Variants in SLC35F4 observed in about 807,000 individuals in gnomAD.
The protein encoded by SLC35F4 is chromosome 14 open reading frame 36.
SLC35F4 carries 24 observed loss-of-function variants against 44.2 expected under a neutral mutation model. That is an observed-to-expected ratio of 0.54 (90% CI 0.39 to 0.76). The LOEUF (loss-of-function observed/expected upper bound fraction) is 0.76, where lower values mean the gene tolerates loss of function less well. Ranked by LOEUF, SLC35F4 falls within the 30% of genes least tolerant of loss-of-function variation. SLC35F4 has a pLI of 0.00. For synonymous variants in SLC35F4, 238 were observed against 223.6 expected (o/e 1.06, Z -0.57); for missense variants, 562 against 586.1 (o/e 0.96, Z 0.42).
At chr14:57,678,566 C>A (rs1490691504) in intron 1 of SLC35F4, among the ~76,000 whole-genome samples, 1 of 151,948 alleles carries the variant, frequency 6.6e-6, no homozygotes, top group Non-Finnish European at 1.5e-5. Context: ...TTAAAAGACA[C>A]AGACCCACAA....
At chr14:57,609,759 A>T (rs780183347) in intron 1 of SLC35F4, among the ~76,000 whole-genome samples, 7 of 152,226 alleles carry the variant, frequency 4.6e-5, no homozygotes, top group Non-Finnish European at 8.8e-5. Flanking sequence ...TTTACTACAC[A>T]GGCTTTGGAA....
intron 4 of SLC35F4, among the ~76,000 whole-genome samples, chr14:57,580,276 A>T (rs1020590702): frequency 6.6e-6 from 1 of 152,214 alleles, no homozygotes; most frequent in Non-Finnish European, 1.5e-5. Flanking sequence ...CATAGACATT[A>T]GTTTCAGCAT....
chr14:57,736,521 C>A (rs971974289), intron 1 of SLC35F4, among the ~76,000 whole-genome samples: 1 of 152,178 alleles, frequency 6.6e-6, no homozygotes, highest in African/African-American at 2.4e-5. Flanking sequence ...AGTGCACCCC[C>A]ACGATGTTGC....
intron 1 of SLC35F4, among the ~76,000 whole-genome samples, chr14:57,644,435 C>T (rs1162541134): frequency 6.7e-6 from 1 of 149,560 alleles, no homozygotes; most frequent in African/African-American, 2.4e-5. Flanking sequence ...AGTGTCTGTT[C>T]ATATCCTTTG....
At chr14:57,912,949 G>A (rs973018694) in intron 1 of SLC35F4, among the ~76,000 whole-genome samples, 5 of 152,012 alleles carry the variant, frequency 3.3e-5, no homozygotes, top group Admixed American at 2.6e-4. Context: ...ATGCTCTGTT[G>A]TTAGACACAT....
Position 57,861,675 on chromosome 14 carries a change from G to A in SLC35F4, c.103+4048C>T, listed in dbSNP as rs538213553. Among the ~76,000 whole-genome samples the A allele has an allele frequency of 5.9e-5, 9 of 152,072 alleles. No individual in the cohort carries two copies. The South Asian group carries it at 1.5e-3, about 25-fold the overall frequency. ...TGACCTTTAATTGTCAAATTCAATC[G>A]GTCTTCTTTTTACTTGACCTTTCAA... On this transcript the variant is annotated intron_variant, in intron 1 of 7. Transcript: ENST00000556826.
intron 1 of SLC35F4, among the ~76,000 whole-genome samples, chr14:57,636,382 G>T (rs1594659455): frequency 2.0e-5 from 3 of 151,986 alleles, no homozygotes. Flanking sequence ...TGCTTGTGGG[G>T]TTTATAACAC....
intron 1 of SLC35F4, among the ~76,000 whole-genome samples, chr14:57,883,183 C>G (rs1054175849): frequency 7.2e-5 from 11 of 152,108 alleles, no homozygotes; most frequent in African/African-American, 2.7e-4. Flanking sequence ...AGGCCAACCC[C>G]CCATGTGACT....
intron 1 of SLC35F4, among the ~76,000 whole-genome samples, chr14:57,889,113 T>C (rs776613915): frequency 2.0e-5 from 3 of 152,194 alleles, no homozygotes; most frequent in Admixed American, 1.3e-4. Flanking sequence ...AAACTGAAGA[T>C]AGTTTAACCA....
At chr14:57,930,260 T>C (rs1348408975) in intron 1 of SLC35F4, among the ~76,000 whole-genome samples, 1 of 152,228 alleles carries the variant, frequency 6.6e-6, no homozygotes, top group Non-Finnish European at 1.5e-5. Context: ...ATCAGTTTCA[T>C]ACAGATTAAC....
intron 1 of SLC35F4, among the ~76,000 whole-genome samples, chr14:57,792,788 G>C (rs1341507279): frequency 2.0e-5 from 3 of 151,994 alleles, no homozygotes; most frequent in East Asian, 3.8e-4. Flanking sequence ...AAGGTGGGAG[G>C]GGGGTGAGGG....
intron 1 of SLC35F4, among the ~76,000 whole-genome samples, chr14:57,654,332 A>C (rs541853824): frequency 3.9e-5 from 6 of 152,282 alleles, no homozygotes; most frequent in African/African-American, 1.4e-4. Context: ...TATAAGTGAG[A>C]ATATGCAATA....
At chr14:57,770,951 T>G (rs2077349207) in intron 1 of SLC35F4, among the ~76,000 whole-genome samples, 1 of 152,204 alleles carries the variant, frequency 6.6e-6, no homozygotes, top group Admixed American at 6.5e-5. Context: ...TATGAAAAAC[T>G]GAGGCACTAG....
intron 6 of SLC35F4, among the ~76,000 whole-genome samples, chr14:57,567,618 C>T (rs1279126117): frequency 6.6e-6 from 1 of 152,188 alleles, no homozygotes; most frequent in Admixed American, 6.5e-5. Context: ...AGAGGGTCTT[C>T]CTAAACTAAT....
rs938089262 is a variant in SLC35F4 at position 57,837,473 on chromosome 14, T to C, written c.103+28250A>G. 9 of 152,330 alleles carry C rather than the reference T, an allele frequency of 5.9e-5. No homozygotes were observed. In the East Asian group the frequency reaches 1.7e-3, roughly 29 times the overall value. 9.4% of individuals were successfully genotyped at this position (152,330 alleles called of 1,614,324 possible). On this transcript the variant is annotated intron_variant, in intron 1 of 7. Coordinates refer to ENST00000556826, the MANE Select transcript of SLC35F4 (RefSeq NM_001306087.2). ...CAATAGGGGAGCATACAGACTCGCA[T>C]GCCTTTGACCAAGGGTAGACCTCCT...
chr14:57,860,704 CTTTCA>C lies in SLC35F4; in HGVS notation c.103+5014_103+5018del, dbSNP rs1887609104. 3.3e-5 allele frequency among the ~76,000 whole-genome samples: 5 copies of C among 152,290 alleles called. No individual in the cohort carries two copies. In the South Asian group the frequency reaches 1.0e-3, roughly 32 times the overall value. On this transcript the variant is annotated intron_variant, in intron 1 of 7. Coordinates refer to ENST00000556826, the MANE Select transcript of SLC35F4 (RefSeq NM_001306087.2). The stretch of plus-strand genomic sequence containing the variant: ...ACAATAAAACATGAATGAATTTATC[CTTTCA>C]TTTGACTTATGGAAATGAATTAAAT...
intron 1 of SLC35F4, among the ~76,000 whole-genome samples, chr14:57,832,887 G>A (rs1258648750): frequency 6.6e-6 from 1 of 152,078 alleles, no homozygotes; most frequent in African/African-American, 2.4e-5. Context: ...GAGAAAACGT[G>A]GTGAAATATT....
chr14:57,821,503 T>A (rs936467523), intron 1 of SLC35F4, among the ~76,000 whole-genome samples: 2 of 152,146 alleles, frequency 1.3e-5, no homozygotes, highest in African/African-American at 4.8e-5. Context: ...TAACAGCAGG[T>A]AATAAGGGCA....
intron 1 of SLC35F4, among the ~76,000 whole-genome samples, chr14:57,946,992 GT>G (rs1410398912): frequency 2.0e-5 from 3 of 152,040 alleles, no homozygotes; most frequent in Non-Finnish European, 2.9e-5. Flanking sequence ...GAATTTTAGA[GT>G]TGTTTTTTTC....
Sources: gnomAD v4.1 joint callset for allele counts (sites outside exome capture counted in the v4.1 genomes callset) on GRCh38, gnomAD v4.1.1 for gene constraint, MANE v1.5 for transcripts, NCBI Gene and HGNC (gene_info 2026-07-23, HGNC 2026-07-21) for gene names.